Variants in LRIG3 observed in about 807,000 individuals in gnomAD.
The protein encoded by LRIG3 is leucine rich repeats and immunoglobulin like domains 3, also known as leucine-rich repeats and immunoglobulin-like domains protein 3.
LRIG3 carries 76 observed loss-of-function variants against 114.5 expected under a neutral mutation model. That is an observed-to-expected ratio of 0.66 (90% CI 0.55 to 0.80). The LOEUF (loss-of-function observed/expected upper bound fraction) is 0.80. Ranked by LOEUF, LRIG3 falls within the 30% of genes least tolerant of loss-of-function variation. The pLI is 0.00. For missense variants in LRIG3, 1,239 were observed against 1,382.8 expected (o/e 0.90, Z 1.65); for synonymous variants, 512 against 519.8 (o/e 0.98, Z 0.20).
intron 3 of LRIG3, among the ~76,000 whole-genome samples, chr12:58,905,553 C>T (rs1872031114): frequency 6.6e-6 from 1 of 152,144 alleles, no homozygotes; most frequent in African/African-American, 2.4e-5. Flanking sequence ...AACATGTGTC[C>T]TCTCCAAAAC....
intron 1 of LRIG3, among the ~76,000 whole-genome samples, chr12:58,917,612 C>T (rs1872526813): frequency 6.6e-6 from 1 of 152,074 alleles, no homozygotes; most frequent in South Asian, 2.1e-4. Context: ...ACATGGGACT[C>T]CTATAGTAAT....
intron 3 of LRIG3, among the ~76,000 whole-genome samples, chr12:58,911,307 CT>C (rs1565624021): frequency 6.6e-6 from 1 of 152,142 alleles, no homozygotes; most frequent in Non-Finnish European, 1.5e-5. Context: ...GCTCCTATAG[CT>C]AAGAGAAGAC....
intron 3 of LRIG3, among the ~76,000 whole-genome samples, chr12:58,892,835 G>C (rs1871501238): frequency 6.6e-6 from 1 of 152,172 alleles, no homozygotes; most frequent in Non-Finnish European, 1.5e-5. Flanking sequence ...GAACAAGTCT[G>C]ATTGTTCCTA....
At position 58,876,502 on chromosome 12, in the gene LRIG3, G is replaced by T; in HGVS notation, c.2638C>A (p.His880Asn). The change falls in exon 16 of 19, where the codon CAC becomes AAC. Residue 880 changes from histidine (H) to asparagine (N), a missense_variant. Coordinates refer to ENST00000320743, the MANE Select transcript of LRIG3 (RefSeq NM_153377.5). ...GCACCTGAAGATGTGACAAACTGGT[G>T]GTGGCTTCCACTTTCTGAAGACACG... is the stretch of plus-strand genomic sequence containing the variant. Reference protein sequence around the residue: ...GYVSSESGSHHQFVTSSGAGF... With the variant: ...GYVSSESGSHNQFVTSSGAGF... 1 of 1,614,134 alleles carries T rather than the reference G, an allele frequency of 6.2e-7. No individual in the cohort carries two copies. Among genetic ancestry groups the T allele is most frequent in the Admixed American group, 1.7e-5 (1 of 60,024 alleles).
chr12:58,877,902 A>G (rs755063523), intron 14 of LRIG3, 50 bp from the exon 15 acceptor site: 18 of 1,508,868 alleles, frequency 1.2e-5, no homozygotes, highest in East Asian at 7.0e-5. Context: ...TTTAGTTTCC[A>G]TATCATAAAA....
chr12:58,877,574 G>C lies in LRIG3; in HGVS notation c.2362C>G (p.Pro788Ala), dbSNP rs772436817. 7 of 1,614,110 alleles carry C rather than the reference G, an allele frequency of 4.3e-6. No homozygotes were observed. The highest frequency in any genetic ancestry group is 5.9e-6 in the Non-Finnish European group (7 of 1,180,050). Residue 788 changes from proline to alanine, a missense_variant, in exon 15 of 19, where the codon CCA becomes GCA. Coordinates refer to ENST00000320743, the MANE Select transcript of LRIG3 (RefSeq NM_153377.5). ...GNVRLSVIPTPTCDSPQMTAP... is the reference protein window; with the variant it reads ...GNVRLSVIPTATCDSPQMTAP... ...GTCATCTGAGGGGAGTCGCAGGTTG[G>C]AGTGGGGATCACACTGAGGCGCACG...
chr12:58,891,193 G>A (rs1185895937), intron 3 of LRIG3, among the ~76,000 whole-genome samples: 1 of 152,000 alleles, frequency 6.6e-6, no homozygotes, highest in Non-Finnish European at 1.5e-5. Flanking sequence ...ATAACTCACT[G>A]CAGCTCAAAC....
chr12:58,886,686 G>A, intron 9 of LRIG3, 124 bp downstream of exon 9: 1 of 708,372 alleles, frequency 1.4e-6, no homozygotes, highest in Non-Finnish European at 2.4e-6. Context: ...AGGATCAAGG[G>A]TGGTAACCAG....
chr12:58,878,674 G>T, intron 14 of LRIG3, 150 bp downstream of exon 14: 1 of 909,554 alleles, frequency 1.1e-6, no homozygotes. Context: ...AAGTGTTCAA[G>T]AGGCCATTTG....
chr12:58,897,234 C>T (rs1871675556), intron 3 of LRIG3, among the ~76,000 whole-genome samples: 1 of 152,146 alleles, frequency 6.6e-6, no homozygotes, highest in African/African-American at 2.4e-5. Flanking sequence ...GAGACAGATT[C>T]TTGATGAAGA....
intron 3 of LRIG3, among the ~76,000 whole-genome samples, chr12:58,900,424 G>C (rs1024398688): frequency 6.6e-6 from 1 of 150,506 alleles, no homozygotes; most frequent in Admixed American, 6.6e-5. Context: ...GCTCCCGTTG[G>C]TATGCACTTT....
chr12:58,912,324 C>G (rs778134269), intron 3 of LRIG3, among the ~76,000 whole-genome samples: 3 of 151,960 alleles, frequency 2.0e-5, no homozygotes, highest in Non-Finnish European at 2.9e-5. Flanking sequence ...GTGAAACCCC[C>G]TCTCTACTAA....
chr12:58,904,018 C>T (rs969508744), intron 3 of LRIG3, among the ~76,000 whole-genome samples: 2 of 152,080 alleles, frequency 1.3e-5, no homozygotes, highest in Non-Finnish European at 2.9e-5. Context: ...CAGCTTTGTT[C>T]TTTTGGCTTA....
At chr12:58,879,145 G>A (rs1170860163) in intron 13 of LRIG3, 40 bp from the exon 14 acceptor site, 1 of 1,546,580 alleles carries the variant, frequency 6.5e-7, no homozygotes, top group East Asian at 2.3e-5. Flanking sequence ...GCACAGTGGA[G>A]TCTTACAGGT....
chr12:58,889,835 G>C (rs180976025), intron 5 of LRIG3, among the ~76,000 whole-genome samples, 161 bp downstream of exon 5: 4 of 152,086 alleles, frequency 2.6e-5, no homozygotes, highest in Admixed American at 6.6e-5. Flanking sequence ...TGATGTTTAA[G>C]GCTCTTTCCA....
chr12:58,889,963 G>A (rs1486828659), intron 5 of LRIG3, 33 bp downstream of exon 5: 7 of 1,607,336 alleles, frequency 4.4e-6, no homozygotes, highest in Non-Finnish European at 6.0e-6. Context: ...TGGAGGAGGT[G>A]AGAAACAGTA....
intron 3 of LRIG3, among the ~76,000 whole-genome samples, chr12:58,891,837 G>A (rs1306905544): frequency 6.6e-6 from 1 of 152,124 alleles, no homozygotes; most frequent in Non-Finnish European, 1.5e-5. Context: ...GCAGCCACTA[G>A]CCACATGAGG....
At chr12:58,897,736 G>A (rs1871693360) in intron 3 of LRIG3, among the ~76,000 whole-genome samples, 1 of 152,096 alleles carries the variant, frequency 6.6e-6, no homozygotes, top group African/African-American at 2.4e-5. Context: ...AAGACAACAG[G>A]ATAAAGAAAA....
intron 1 of LRIG3, chr12:58,919,483 A>T (rs979332389): frequency 2.6e-5 from 41 of 1,551,510 alleles, no homozygotes; most frequent in Non-Finnish European, 3.1e-5. Context: ...CGTCCACCAT[A>T]ACTTGGAGAA....
Sources: allele counts gnomAD v4.1 joint callset (sites outside exome capture counted in the v4.1 genomes callset), GRCh38; gene constraint gnomAD v4.1.1; transcripts MANE v1.5; gene names NCBI Gene and HGNC (gene_info 2026-07-23, HGNC 2026-07-21).